The following SEMA6A variants were observed in gnomAD, a reference collection of about 807,000 sequenced individuals.
The protein encoded by SEMA6A is semaphorin-6A.
Under a neutral mutation model 96.8 loss-of-function variants are expected in SEMA6A, and 25 were observed. The observed-to-expected ratio is 0.26, with a 90% CI of 0.19 to 0.36. The LOEUF (loss-of-function observed/expected upper bound fraction) is 0.36. Ranked by LOEUF, SEMA6A falls within the 10% of genes least tolerant of loss-of-function variation. The pLI, the probability that SEMA6A is intolerant of heterozygous loss-of-function variation, is 1.00. For missense variants in SEMA6A, 1,363 were observed against 1,323.1 expected (o/e 1.03, Z -0.47); for synonymous variants, 612 against 518.0 (o/e 1.18, Z -2.46).
intron 18 of SEMA6A, among the ~76,000 whole-genome samples, chr5:116,457,555 A>C (rs1252564340): frequency 6.6e-6 from 1 of 152,176 alleles, no homozygotes; most frequent in Non-Finnish European, 1.5e-5. Context: ...ACCCCATTAA[A>C]AATGAATCTC....
At chr5:116,451,017 T>C (rs1009515547) in intron 18 of SEMA6A, among the ~76,000 whole-genome samples, 3 of 152,122 alleles carry the variant, frequency 2.0e-5, no homozygotes, top group African/African-American at 7.2e-5. Flanking sequence ...GACTTGTCAG[T>C]AGTGGTGATA....
chr5:116,467,632 G>A lies in SEMA6A; in HGVS notation c.1845C>T (p.Ser615=), dbSNP rs1486977371. 2.5e-6 allele frequency: 4 copies of A among 1,613,544 alleles called. No individual in the cohort carries two copies. Among genetic ancestry groups the A allele is most frequent in the Non-Finnish European group, 3.4e-6 (4 of 1,179,800 alleles). ...DWKHLLDSPD[S]TDPLGAVSSH... is the part of the protein sequence containing the mutation. ...AAGACACTGCCCCCAAAGGGTCTGTGCTGTCAGGTGAGTCAAGCAGATGCT... is the reference window on the plus strand; with the variant it reads ...AAGACACTGCCCCCAAAGGGTCTGTACTGTCAGGTGAGTCAAGCAGATGCT... The change falls in exon 18 of 19, where the codon AGC becomes AGT. Residue 615 remains serine (S), a synonymous_variant. Coordinates refer to ENST00000343348, the MANE Select transcript of SEMA6A (RefSeq NM_020796.5).
intron 15 of SEMA6A, among the ~76,000 whole-genome samples, 167 bp downstream of exon 15, chr5:116,477,679 G>GCA (rs1756526630): frequency 6.6e-6 from 1 of 152,234 alleles, no homozygotes; most frequent in Non-Finnish European, 1.5e-5. Flanking sequence ...ATGTGATGTG[G>GCA]TGAGGCTCTA....
rs1282533801 is a variant in SEMA6A at position 116,447,306 on chromosome 5, G to A, written c.2400C>T (p.Pro800=). 6.2e-7 allele frequency: 1 copy of A among 1,613,684 alleles called. No homozygotes were observed. The highest frequency in any genetic ancestry group is 2.2e-5 in the East Asian group (1 of 44,882). Residue 800 remains proline (P), a synonymous_variant, in exon 19 of 19, where the codon CCC becomes CCT. Transcript: ENST00000343348. ...GGGAGGCCCGCAGGGGCAGGTCCGTGGGAATCACAGGGGAGCCCATGGGGG... is the reference window on the plus strand; with the variant it reads ...GGGAGGCCCGCAGGGGCAGGTCCGTAGGAATCACAGGGGAGCCCATGGGGG... The part of the protein sequence containing the change: ...DMPPMGSPVI[P]TDLPLRASPS...
intron 1 of SEMA6A, among the ~76,000 whole-genome samples, chr5:116,565,495 C>G (rs140947680): frequency 6.6e-6 from 1 of 152,154 alleles, no homozygotes; most frequent in Non-Finnish European, 1.5e-5. Context: ...GCACAGAATC[C>G]GTCTCGAAAA....
chr5:116,550,291 T>C (rs1382305068), intron 1 of SEMA6A: 1 of 152,208 alleles, frequency 6.6e-6, no homozygotes, highest in East Asian at 1.9e-4. Flanking sequence ...CAGCAATATC[T>C]AGTTTATTTT....
intron 1 of SEMA6A, among the ~76,000 whole-genome samples, chr5:116,535,047 A>G (rs1759649442): frequency 6.6e-6 from 1 of 152,238 alleles, no homozygotes; most frequent in Admixed American, 6.5e-5. Context: ...CATAATACAA[A>G]TACATATCCT....
chr5:116,485,872 A>C (rs1757026865), intron 10 of SEMA6A, among the ~76,000 whole-genome samples: 1 of 152,218 alleles, frequency 6.6e-6, no homozygotes, highest in Non-Finnish European at 1.5e-5. Context: ...GGACTCTGAA[A>C]TCTTGTTGGC....
At chr5:116,502,460 CAT>C (rs1388586963) in intron 2 of SEMA6A, 133 bp from the exon 3 acceptor site, 8 of 668,434 alleles carry the variant, frequency 1.2e-5, no homozygotes, top group East Asian at 5.3e-5. Flanking sequence ...TTTCCATTTC[CAT>C]ATGAGTCTGT....
chr5:116,482,643 C>T (rs569169756), intron 10 of SEMA6A, 68 bp from the exon 11 acceptor site: 30 of 1,531,594 alleles, frequency 2.0e-5, no homozygotes, highest in Non-Finnish European at 2.5e-5. Context: ...GGAACATACT[C>T]CAGAGAAACT....
intron 4 of SEMA6A, 58 bp from the exon 5 acceptor site, chr5:116,496,371 G>A: frequency 6.7e-7 from 1 of 1,481,898 alleles, no homozygotes; most frequent in South Asian, 1.1e-5. Context: ...TTTGATTTTA[G>A]AAGTAAGAGT....
chr5:116,455,589 TA>T (rs1197320520), intron 18 of SEMA6A, among the ~76,000 whole-genome samples: 27 of 152,300 alleles, frequency 1.8e-4, no homozygotes, highest in African/African-American at 6.5e-4. Flanking sequence ...TGGACCTCCT[TA>T]AAAAATTGTG....
intron 1 of SEMA6A, among the ~76,000 whole-genome samples, chr5:116,524,548 T>A (rs1759118051): frequency 6.6e-6 from 1 of 152,086 alleles, no homozygotes; most frequent in Non-Finnish European, 1.5e-5. Flanking sequence ...GGGTTGTGAA[T>A]CTTAGGTTCC....
intron 11 of SEMA6A, among the ~76,000 whole-genome samples, chr5:116,481,576 T>G (rs974866071): frequency 6.6e-6 from 1 of 151,568 alleles, no homozygotes; most frequent in African/African-American, 2.4e-5. Context: ...CGGAAGAGAG[T>G]TGAAAAACAA....
intron 1 of SEMA6A, among the ~76,000 whole-genome samples, chr5:116,554,544 A>C (rs141015907): frequency 6.6e-6 from 1 of 152,242 alleles, no homozygotes; most frequent in Non-Finnish European, 1.5e-5. Context: ...ATACGTAACA[A>C]TTTGTATAAA....
chr5:116,561,570 C>T (rs1241147476), intron 1 of SEMA6A, among the ~76,000 whole-genome samples: 1 of 152,212 alleles, frequency 6.6e-6, no homozygotes, highest in African/African-American at 2.4e-5. Flanking sequence ...ACATTTAAAA[C>T]TCTTTCATGT....
At chr5:116,517,277 A>G (rs1451310313) in intron 1 of SEMA6A, among the ~76,000 whole-genome samples, 1 of 147,746 alleles carries the variant, frequency 6.8e-6, no homozygotes, top group African/African-American at 2.5e-5. Context: ...TTACTTTTCC[A>G]AAATCTAAAA....
chr5:116,527,793 C>G (rs540814914), intron 1 of SEMA6A, among the ~76,000 whole-genome samples: 2 of 152,124 alleles, frequency 1.3e-5, no homozygotes, highest in Non-Finnish European at 2.9e-5. Context: ...AAAGTCAACC[C>G]TGTGATGCAC....
chr5:116,540,140 T>C (rs182061474), intron 1 of SEMA6A, among the ~76,000 whole-genome samples: 7 of 152,344 alleles, frequency 4.6e-5, no homozygotes, highest in Non-Finnish European at 8.8e-5. Context: ...CTGATATTTT[T>C]TCCAAAAAAT....
Sources: gnomAD v4.1 joint callset for allele counts (sites outside exome capture counted in the v4.1 genomes callset) on GRCh38, gnomAD v4.1.1 for gene constraint, MANE v1.5 for transcripts, NCBI Gene and HGNC (gene_info 2026-07-23, HGNC 2026-07-21) for gene names.